The following FBXW7 variants were observed in gnomAD, a reference collection of about 807,000 sequenced individuals.
FBXW7 encodes F-box/WD repeat-containing protein 7.
Under a neutral mutation model 86.3 loss-of-function variants are expected in FBXW7, and 11 were observed. The ratio of observed to expected loss-of-function variants is 0.13; its 90% CI spans 0.08 to 0.21. FBXW7 has a LOEUF of 0.21. Ranked by LOEUF, FBXW7 falls within the 10% of genes least tolerant of loss-of-function variation. The probability of loss-of-function intolerance (pLI) is 1.00; values close to 1 mark genes in which losing one functional copy is unlikely to be tolerated. For missense variants in FBXW7, 488 were observed against 847.4 expected (o/e 0.58, Z 5.27); for synonymous variants, 313 against 297.9 (o/e 1.05, Z -0.52).
intron 4 of FBXW7, among the ~76,000 whole-genome samples, chr4:152,365,755 G>A (rs781254689): frequency 1.3e-5 from 2 of 152,268 alleles, no homozygotes; most frequent in Middle Eastern, 3.4e-3. Flanking sequence ...CCAGAAGAAA[G>A]GTCTGGGTTG....
chr4:152,370,326 A>C (rs1214760707), intron 4 of FBXW7, among the ~76,000 whole-genome samples: 1 of 151,982 alleles, frequency 6.6e-6, no homozygotes, highest in African/African-American at 2.4e-5. Context: ...TCAAATCCTC[A>C]AAACAGATTT....
chr4:152,478,709 T>C (rs1163480061), intron 2 of FBXW7, among the ~76,000 whole-genome samples: 1 of 152,098 alleles, frequency 6.6e-6, no homozygotes, highest in Non-Finnish European at 1.5e-5. Flanking sequence ...TCCAATTTTC[T>C]CCACATCCTT....
chr4:152,522,010 C>T (rs912769165), intron 2 of FBXW7, among the ~76,000 whole-genome samples: 1 of 151,114 alleles, frequency 6.6e-6, no homozygotes, highest in East Asian at 1.9e-4. Flanking sequence ...TAGTAAGGGT[C>T]CAATTTTAAA....
intron 8 of FBXW7, 54 bp from the exon 9 acceptor site, chr4:152,330,922 C>T (rs1560765920): frequency 2.6e-6 from 4 of 1,550,310 alleles, no homozygotes; most frequent in Admixed American, 1.8e-5. Flanking sequence ...AACAGTTATA[C>T]ATTTTATAAA....
intron 2 of FBXW7, among the ~76,000 whole-genome samples, chr4:152,488,540 G>A (rs1286844998): frequency 1.3e-5 from 2 of 151,958 alleles, no homozygotes; most frequent in Admixed American, 6.6e-5. Flanking sequence ...CTCTAACTTT[G>A]CAATTTTTCC....
chr4:152,419,945 A>C (rs1161256919), intron 2 of FBXW7, among the ~76,000 whole-genome samples: 1 of 152,228 alleles, frequency 6.6e-6, no homozygotes, highest in African/African-American at 2.4e-5. Context: ...GCTGCTGACT[A>C]ATCAGTATGG....
intron 2 of FBXW7, among the ~76,000 whole-genome samples, chr4:152,528,538 TAA>T (rs1749735325): frequency 6.6e-6 from 1 of 152,328 alleles, no homozygotes; most frequent in South Asian, 2.1e-4. Context: ...AGTTAAATGT[TAA>T]GTTTGTCATT....
At chr4:152,459,976 G>C (rs1239298705) in intron 2 of FBXW7, among the ~76,000 whole-genome samples, 2 of 152,202 alleles carry the variant, frequency 1.3e-5, no homozygotes, top group Non-Finnish European at 2.9e-5. Flanking sequence ...GACACTGCCA[G>C]AGACTCGGGG....
intron 2 of FBXW7, among the ~76,000 whole-genome samples, chr4:152,432,579 G>C (rs1740006939): frequency 6.6e-6 from 1 of 152,158 alleles, no homozygotes; most frequent in Non-Finnish European, 1.5e-5. Context: ...GGCCAAGGCA[G>C]GTGGATCATT....
intron 4 of FBXW7, among the ~76,000 whole-genome samples, chr4:152,402,394 C>T (rs1266239984): frequency 2.6e-5 from 4 of 152,102 alleles, no homozygotes; most frequent in African/African-American, 9.7e-5. Flanking sequence ...TACGATGAGT[C>T]ACAATAAATA....
At chr4:152,419,151 T>C (rs1738717140) in intron 2 of FBXW7, among the ~76,000 whole-genome samples, 1 of 152,122 alleles carries the variant, frequency 6.6e-6, no homozygotes, top group Non-Finnish European at 1.5e-5. Flanking sequence ...TTCAACACTG[T>C]CAATTAATTT....
At chr4:152,443,412 T>C (rs1052534796) in intron 2 of FBXW7, among the ~76,000 whole-genome samples, 2 of 152,000 alleles carry the variant, frequency 1.3e-5, no homozygotes, top group African/African-American at 4.8e-5. Flanking sequence ...ACATTTTCCT[T>C]TCAAAAAAAT....
intron 2 of FBXW7, among the ~76,000 whole-genome samples, chr4:152,447,817 C>G (rs181309011): frequency 7.9e-4 from 121 of 152,288 alleles, no homozygotes; most frequent in Admixed American, 4.2e-3. Context: ...ATTCTAATTA[C>G]AGCTAGAGTC....
intron 5 of FBXW7, among the ~76,000 whole-genome samples, chr4:152,349,473 C>A (rs1255488021): frequency 6.6e-6 from 1 of 151,726 alleles, no homozygotes; most frequent in African/African-American, 2.4e-5. Flanking sequence ...GATGTAAAAT[C>A]CAAAAATAAT....
chr4:152,512,384 T>C (rs1748059370), intron 2 of FBXW7, among the ~76,000 whole-genome samples: 2 of 152,220 alleles, frequency 1.3e-5, no homozygotes, highest in Admixed American at 1.3e-4. Context: ...TTTTCTATTA[T>C]GTTTATAGAC....
At chr4:152,405,421 A>C (rs899012939) in intron 4 of FBXW7, among the ~76,000 whole-genome samples, 4 of 152,154 alleles carry the variant, frequency 2.6e-5, no homozygotes, top group African/African-American at 9.7e-5. Context: ...CAAAACAAGT[A>C]GAGAGGAGAG....
At chr4:152,510,356 T>C (rs1189601143) in intron 2 of FBXW7, among the ~76,000 whole-genome samples, 1 of 152,228 alleles carries the variant, frequency 6.6e-6, no homozygotes, top group East Asian at 1.9e-4. Context: ...TTTTGATAAA[T>C]ACTGTCAAAC....
chr4:152,476,731 T>C (rs893897354), intron 2 of FBXW7, among the ~76,000 whole-genome samples: 10 of 152,154 alleles, frequency 6.6e-5, no homozygotes, highest in Admixed American at 3.9e-4. Context: ...CAAAATAGTA[T>C]AGAAATGAGC....
At chr4:152,335,527 A>G (rs796171590) in intron 7 of FBXW7, among the ~76,000 whole-genome samples, 3 of 152,302 alleles carry the variant, frequency 2.0e-5, no homozygotes, top group African/African-American at 7.2e-5. Context: ...TGGTCCAGTT[A>G]ATGCAGTTTT....
Sources: allele counts gnomAD v4.1 joint callset (sites outside exome capture counted in the v4.1 genomes callset), GRCh38; gene constraint gnomAD v4.1.1; transcripts MANE v1.5; gene names NCBI Gene and HGNC (gene_info 2026-07-23, HGNC 2026-07-21).